Variants in WFDC9 observed in about 807,000 individuals in gnomAD.
The protein encoded by WFDC9 is protein WFDC9.
Under a neutral mutation model 9.5 loss-of-function variants are expected in WFDC9, and 9 were observed. The ratio of observed to expected loss-of-function variants is 0.95; its 90% CI spans 0.57 to 1.65. The LOEUF is 1.65. WFDC9 is among the 40% of genes most tolerant of loss of function. The pLI is 0.00. For missense variants in WFDC9, 87 were observed against 106.7 expected (o/e 0.82, Z 0.81); for synonymous variants, 33 against 32.3 (o/e 1.02, Z -0.07).
intron 1 of WFDC9, among the ~76,000 whole-genome samples, chr20:45,615,459 A>G (rs1312911437): frequency 6.6e-6 from 1 of 152,194 alleles, no homozygotes; most frequent in Non-Finnish European, 1.5e-5. Context: ...GGAGATGTCA[A>G]TATAAAATTC....
chr20:45,608,246 T>C (rs1477103229), intron 4 of WFDC9, 106 bp from the exon 5 acceptor site: 5 of 1,319,156 alleles, frequency 3.8e-6, no homozygotes, highest in Non-Finnish European at 5.3e-6. Flanking sequence ...ATTCTTCTGC[T>C]AAATCAGAAG....
At chr20:45,629,869 C>A in intron 1 of WFDC9, 1 of 1,613,928 alleles carries the variant, frequency 6.2e-7, no homozygotes, top group Non-Finnish European at 8.5e-7. Context: ...CTGCTGCAGG[C>A]CCAGGGAGGA....
chr20:45,614,223 AG>A (rs1355607132), intron 2 of WFDC9, among the ~76,000 whole-genome samples: 2 of 152,150 alleles, frequency 1.3e-5, no homozygotes, highest in Non-Finnish European at 2.9e-5. Flanking sequence ...AAATGATCCC[AG>A]ACAAAAGAAA....
intron 2 of WFDC9, among the ~76,000 whole-genome samples, chr20:45,612,830 A>G (rs761491122): frequency 2.6e-5 from 4 of 152,198 alleles, no homozygotes; most frequent in Non-Finnish European, 5.9e-5. Flanking sequence ...CCTAATTACA[A>G]TGGAAACTTC....
intron 2 of WFDC9, among the ~76,000 whole-genome samples, chr20:45,613,843 A>G (rs897369473): frequency 3.3e-5 from 5 of 152,182 alleles, no homozygotes; most frequent in Non-Finnish European, 7.3e-5. Context: ...AAGACAGGTG[A>G]ACCATGAAGA....
intron 1 of WFDC9, among the ~76,000 whole-genome samples, chr20:45,628,211 A>G (rs901229843): frequency 2.0e-5 from 3 of 152,226 alleles, no homozygotes; most frequent in African/African-American, 7.2e-5. Context: ...TCAAATAATA[A>G]TTCAAAATGA....
At chr20:45,630,388 G>A (rs1273211268) in intron 1 of WFDC9, among the ~76,000 whole-genome samples, 1 of 152,072 alleles carries the variant, frequency 6.6e-6, no homozygotes, top group Non-Finnish European at 1.5e-5. Flanking sequence ...GAGTGGTGGT[G>A]GAAAGGGAAC....
intron 1 of WFDC9, chr20:45,629,991 T>C (rs1982318092): frequency 1.3e-6 from 2 of 1,535,688 alleles, no homozygotes; most frequent in East Asian, 2.4e-5. Flanking sequence ...ACCTAGGAGT[T>C]GGAAACTCTC....
intron 2 of WFDC9, among the ~76,000 whole-genome samples, chr20:45,613,369 T>C (rs1981902650): frequency 1.3e-5 from 2 of 152,192 alleles, no homozygotes; most frequent in Non-Finnish European, 2.9e-5. Flanking sequence ...GCAGAGGTAA[T>C]ACTAGAAAAA....
At chr20:45,629,645 G>A (rs932859187) in intron 1 of WFDC9, 12 of 786,706 alleles carry the variant, frequency 1.5e-5, no homozygotes, top group East Asian at 2.8e-5. Flanking sequence ...CAAGGCCAGG[G>A]GCAAGCAAAA....
intron 1 of WFDC9, among the ~76,000 whole-genome samples, chr20:45,615,400 G>A (rs1442067005): frequency 6.6e-6 from 1 of 152,160 alleles, no homozygotes; most frequent in Non-Finnish European, 1.5e-5. Context: ...CTTCCAAGGG[G>A]TAAACCTTCT....
At chr20:45,609,223 A>G (rs1233061037) in intron 3 of WFDC9, among the ~76,000 whole-genome samples, 1 of 144,724 alleles carries the variant, frequency 6.9e-6, no homozygotes, top group Admixed American at 6.8e-5. Context: ...TTTTTTTTTG[A>G]GACAGAGTCT....
intron 1 of WFDC9, among the ~76,000 whole-genome samples, chr20:45,617,253 G>A (rs977505263): frequency 6.6e-6 from 1 of 152,112 alleles, no homozygotes; most frequent in Non-Finnish European, 1.5e-5. Context: ...TCAGAATTTC[G>A]AGACCAGCCT....
At chr20:45,615,616 TTATA>T (rs1981956123) in intron 1 of WFDC9, among the ~76,000 whole-genome samples, 1 of 152,198 alleles carries the variant, frequency 6.6e-6, no homozygotes, top group South Asian at 2.1e-4. Context: ...AGTCTTTTAT[TTATA>T]TATTTATTTA....
intron 1 of WFDC9, among the ~76,000 whole-genome samples, chr20:45,617,487 C>A (rs1981998041): frequency 6.6e-6 from 1 of 152,130 alleles, no homozygotes; most frequent in African/African-American, 2.4e-5. Context: ...CCATGTATAA[C>A]TTTTGACTTC....
At chr20:45,618,244 G>T (rs1312098894) in intron 1 of WFDC9, among the ~76,000 whole-genome samples, 1 of 152,158 alleles carries the variant, frequency 6.6e-6, no homozygotes, top group Non-Finnish European at 1.5e-5. Context: ...TCTTTCTCTG[G>T]ATGAGGTTTT....
chr20:45,626,152 C>T lies in WFDC9; in HGVS notation c.-153+5051G>A, dbSNP rs535456645. Among the ~76,000 whole-genome samples the T allele has an allele frequency of 8.9e-5, 12 of 134,856 alleles. No individual in the cohort carries two copies. The South Asian group carries it at 2.1e-3, about 23-fold the overall frequency. 88.5% of individuals were successfully genotyped at this position (134,856 alleles called of 152,430 possible). A position where few individuals can be genotyped will look rare whatever the true frequency, so the allele number is the denominator to read the frequency against. On this transcript the variant is annotated intron_variant, in intron 1 of 4. Transcript: ENST00000326000. ...TTCTCTATTCTATTCCATTAGTCTA[C>T]GTGTCTGTTTTTATGCCAGTGCTAT... is the stretch of plus-strand genomic sequence containing the variant.
intron 1 of WFDC9, among the ~76,000 whole-genome samples, chr20:45,628,698 T>C (rs1982279644): frequency 6.6e-6 from 1 of 151,890 alleles, no homozygotes; most frequent in Admixed American, 6.6e-5. Flanking sequence ...GTGCATAAGG[T>C]GAGATATGGG....
chr20:45,622,283 A>G (rs1982119340), intron 1 of WFDC9, among the ~76,000 whole-genome samples: 1 of 152,170 alleles, frequency 6.6e-6, no homozygotes, highest in Non-Finnish European at 1.5e-5. Flanking sequence ...TCTCTATAGA[A>G]TATTTTAAAA....
Sources: allele counts gnomAD v4.1 joint callset (sites outside exome capture counted in the v4.1 genomes callset), GRCh38; gene constraint gnomAD v4.1.1; transcripts MANE v1.5; gene names NCBI Gene and HGNC (gene_info 2026-07-23, HGNC 2026-07-21).